GARIN1B: variants seen among roughly 807,000 people sequenced by gnomAD.
GARIN1B encodes the protein Golgi-associated RAB2 interactor protein 1B.
the GARIN1B span, among the ~76,000 whole-genome samples, chr7:128,727,280 G>A: frequency 6.6e-6 from 1 of 152,198 alleles, no homozygotes; most frequent in African/African-American, 2.4e-5. Context: ...TTATAATTTG[G>A]TGGTGTCAGA....
the GARIN1B span, among the ~76,000 whole-genome samples, chr7:128,714,836 G>C: frequency 1.3e-5 from 2 of 152,068 alleles, no homozygotes; most frequent in African/African-American, 4.8e-5. Flanking sequence ...CTCTGGATAA[G>C]AAACTAATTA....
At chr7:128,719,573 A>T in the GARIN1B span, among the ~76,000 whole-genome samples, 2 of 151,606 alleles carry the variant, frequency 1.3e-5, 1 homozygote, top group Non-Finnish European at 2.9e-5. Context: ...CTTACAACAT[A>T]TAGTCTTTTG....
chr7:128,730,149 C>A, the GARIN1B span: 3 of 1,464,176 alleles, frequency 2.0e-6, no homozygotes, highest in Non-Finnish European at 2.8e-6. Flanking sequence ...ATCCTGGGGT[C>A]CTGAGGGTGA....
the GARIN1B span, chr7:128,718,817 C>G: frequency 1.2e-6 from 2 of 1,610,754 alleles, no homozygotes; most frequent in Non-Finnish European, 1.7e-6. Flanking sequence ...GTGTGTCTTC[C>G]CTGGTGGCTT....
the GARIN1B span, among the ~76,000 whole-genome samples, chr7:128,710,813 C>A: frequency 2.6e-5 from 4 of 151,990 alleles, no homozygotes; most frequent in East Asian, 1.9e-4. Context: ...GCCACCACGC[C>A]CAGCTAATTT....
chr7:128,725,382 TTC>T, the GARIN1B span, among the ~76,000 whole-genome samples: 1 of 146,730 alleles, frequency 6.8e-6, no homozygotes, highest in Non-Finnish European at 1.5e-5. Flanking sequence ...TCCTTCCTTT[TTC>T]TTTCTTTTTT....
chr7:128,712,262 G>C, the GARIN1B span, among the ~76,000 whole-genome samples: 7 of 152,154 alleles, frequency 4.6e-5, no homozygotes, highest in Non-Finnish European at 1.0e-4. Flanking sequence ...TCATACTTTT[G>C]TAGGGGTTTT....
chr7:128,717,637 G>T, the GARIN1B span, among the ~76,000 whole-genome samples: 1 of 151,722 alleles, frequency 6.6e-6, no homozygotes, highest in Non-Finnish European at 1.5e-5. Flanking sequence ...AATAGAGACA[G>T]GGTTTCACCA....
At chr7:128,727,922 G>A in the GARIN1B span, among the ~76,000 whole-genome samples, 45 of 152,214 alleles carry the variant, frequency 3.0e-4, no homozygotes, top group African/African-American at 1.0e-3. Context: ...TTGTTTTCAG[G>A]CTTCTCAATT....
the GARIN1B span, among the ~76,000 whole-genome samples, chr7:128,717,743 G>C: frequency 7.4e-6 from 1 of 134,300 alleles, no homozygotes; most frequent in African/African-American, 2.8e-5. Flanking sequence ...CACTGTGCCC[G>C]GCCAGGTTTT....
the GARIN1B span, among the ~76,000 whole-genome samples, chr7:128,729,032 A>G: frequency 6.6e-6 from 1 of 152,220 alleles, no homozygotes; most frequent in African/African-American, 2.4e-5. Flanking sequence ...CATTTCTGGG[A>G]CTTGAGAAAA....
At chr7:128,718,907 GAGA>G in the GARIN1B span, 38 of 1,614,216 alleles carry the variant, frequency 2.4e-5, no homozygotes, top group African/African-American at 4.5e-4. Context: ...GACAGTCACT[GAGA>G]AGATTTATTA....
At chr7:128,719,941 C>T in the GARIN1B span, among the ~76,000 whole-genome samples, 80 of 151,876 alleles carry the variant, frequency 5.3e-4, no homozygotes, top group Non-Finnish European at 8.1e-4. Context: ...CTCAGGTGAT[C>T]CACCCACCTC....
the GARIN1B span, chr7:128,729,773 A>T: frequency 1.3e-5 from 12 of 939,270 alleles, no homozygotes; most frequent in Non-Finnish European, 1.7e-5. Context: ...GGATTAAAGG[A>T]CCATGAATGC....
At chr7:128,718,924 A>C in the GARIN1B span, 5 of 1,614,152 alleles carry the variant, frequency 3.1e-6, no homozygotes, top group Non-Finnish European at 4.2e-6. Flanking sequence ...TTTATTACCT[A>C]AAGCTCCATC....
the GARIN1B span, chr7:128,715,628 G>T: frequency 1.6e-5 from 26 of 1,614,022 alleles, no homozygotes; most frequent in Non-Finnish European, 2.0e-5. Flanking sequence ...CTGCCGGGTG[G>T]TTCATTCTCC....
chr7:128,726,702 T>C, the GARIN1B span: 1 of 981,252 alleles, frequency 1.0e-6, no homozygotes, highest in Non-Finnish European at 1.5e-6. Flanking sequence ...CAGCTGGCCT[T>C]TTTCATATTT....
chr7:128,715,680 A>G, the GARIN1B span: 4 of 1,613,878 alleles, frequency 2.5e-6, no homozygotes, highest in Middle Eastern at 1.7e-4. Flanking sequence ...TTTGAAAGCA[A>G]CTTCATCCAG....
At chr7:128,730,084 G>C in the GARIN1B span, 2 of 1,606,574 alleles carry the variant, frequency 1.2e-6, no homozygotes, top group Non-Finnish European at 1.7e-6. Context: ...AGCAATGGGA[G>C]GAATCCCCTG....
Sources: gnomAD v4.1 joint callset for allele counts (sites outside exome capture counted in the v4.1 genomes callset) on GRCh38, gnomAD v4.1.1 for gene constraint, MANE v1.5 for transcripts, NCBI Gene and HGNC (gene_info 2026-07-23, HGNC 2026-07-21) for gene names.